Variants in TTLL5 observed in about 807,000 individuals in gnomAD.
The protein encoded by TTLL5 is tubulin tyrosine ligase like 5, also known as tubulin polyglutamylase TTLL5.
Under a neutral mutation model 168.4 loss-of-function variants are expected in TTLL5, and 132 were observed. The observed-to-expected ratio is 0.78, with a 90% confidence interval of 0.68 to 0.91. The LOEUF (loss-of-function observed/expected upper bound fraction) is 0.91, where lower values mean the gene tolerates loss of function less well. Ranked by LOEUF, TTLL5 falls within the 40% of genes least tolerant of loss-of-function variation. The pLI, the probability that TTLL5 is intolerant of heterozygous loss-of-function variation, is 0.00. For synonymous variants in TTLL5, 546 were observed against 558.6 expected (o/e 0.98, Z 0.32); for missense variants, 1,545 against 1,581.5 (o/e 0.98, Z 0.39).
In TTLL5 at chr14:75,745,487, T is replaced by G; in HGVS notation, c.1396-3T>G. The G allele has an allele frequency of 6.2e-7, 1 of 1,614,006 alleles. No individual in the cohort carries two copies. Among genetic ancestry groups the G allele is most frequent in the Non-Finnish European group, 8.5e-7 (1 of 1,179,912 alleles). On this transcript the variant is annotated splice_polypyrimidine_tract_variant and splice_region_variant and intron_variant, in intron 16 of 31. Coordinates refer to ENST00000298832, the MANE Select transcript of TTLL5 (RefSeq NM_015072.5). ...TACTCATTTTATCTTATTTTTCATCTAGATCAAAGTTTTACGAAGGGTGAA... is the reference window on the plus strand; with the variant it reads ...TACTCATTTTATCTTATTTTTCATCGAGATCAAAGTTTTACGAAGGGTGAA...
At chr14:75,948,046 A>G (rs187093950) in intron 31 of TTLL5, among the ~76,000 whole-genome samples, 16 of 152,296 alleles carry the variant, frequency 1.1e-4, no homozygotes, top group African/African-American at 2.9e-4. Context: ...ATTCTTTGCA[A>G]TCTTCTATGG....
intron 31 of TTLL5, among the ~76,000 whole-genome samples, chr14:75,910,136 T>C (rs2033312792): frequency 1.3e-5 from 2 of 152,196 alleles, no homozygotes; most frequent in African/African-American, 4.8e-5. Context: ...AAAATTGATA[T>C]TTTTTTCTTG....
chr14:75,672,821 T>A (rs1214518148), intron 3 of TTLL5, among the ~76,000 whole-genome samples: 2 of 152,246 alleles, frequency 1.3e-5, no homozygotes, highest in African/African-American at 4.8e-5. Flanking sequence ...TTACAATCCT[T>A]TTCATTTCTG....
At chr14:75,901,727 C>T (rs1191298797) in intron 30 of TTLL5, among the ~76,000 whole-genome samples, 1 of 152,198 alleles carries the variant, frequency 6.6e-6, no homozygotes, top group Non-Finnish European at 1.5e-5. Flanking sequence ...GAAAACCACT[C>T]TTCCACATGA....
chr14:75,770,213 A>G lies in TTLL5; in HGVS notation c.2016-1521A>G, dbSNP rs559448351. 2.7e-5 allele frequency among the ~76,000 whole-genome samples: 4 copies of G among 148,108 alleles called. No homozygotes were observed. The South Asian group carries it at 8.5e-4, about 32-fold the overall frequency. On this transcript the variant is annotated intron_variant, in intron 20 of 31. Transcript: ENST00000298832. ...AAAAAAAAAAAGAAAATATAAGTGT[A>G]TTATTTCAAAACCATATTATGCTCC...
intron 28 of TTLL5, among the ~76,000 whole-genome samples, chr14:75,841,447 A>C (rs564841277): frequency 6.6e-6 from 1 of 152,166 alleles, no homozygotes. Context: ...CATTACCATG[A>C]CTGTGACTGG....
At chr14:75,899,299 A>G (rs1420385054) in intron 30 of TTLL5, among the ~76,000 whole-genome samples, 1 of 152,222 alleles carries the variant, frequency 6.6e-6, no homozygotes, top group African/African-American at 2.4e-5. Flanking sequence ...ATGTATTCCT[A>G]GGAAAGCAGC....
chr14:75,764,653 G>A lies in TTLL5; in HGVS notation c.1589G>A (p.Ser530Asn). The A allele has an allele frequency of 1.2e-6, 2 of 1,614,144 alleles. No individual in the cohort carries two copies. Among genetic ancestry groups the A allele is most frequent in the Non-Finnish European group, 1.7e-6 (2 of 1,179,994 alleles). ...ADGAPELKIE[S>N]LNSKAKLHAA... is the part of the protein sequence containing the mutation. The stretch of plus-strand genomic sequence containing the variant: ...GGAGCGCCAGAATTGAAGATAGAGA[G>A]TCTGAATTCAAAGGCCAAGCTGCAT... The change falls in exon 19 of 32, where the codon AGT (serine) becomes AAT (asparagine). Residue 530 changes from serine (S) to asparagine (N), a missense_variant. Transcript: ENST00000298832.
At chr14:75,775,372 T>C in intron 21 of TTLL5, 112 bp from the exon 22 acceptor site, 2 of 1,197,200 alleles carry the variant, frequency 1.7e-6, no homozygotes, top group Non-Finnish European at 2.3e-6. Flanking sequence ...TTTGTTGAAA[T>C]GTGTAATATA....
At chr14:75,945,477 G>A (rs973498693) in intron 31 of TTLL5, among the ~76,000 whole-genome samples, 6 of 151,574 alleles carry the variant, frequency 4.0e-5, no homozygotes, top group African/African-American at 1.2e-4. Flanking sequence ...GGATGATCTC[G>A]ATCTCTTGAC....
chr14:75,921,464 C>T (rs1341966876), intron 31 of TTLL5, among the ~76,000 whole-genome samples: 1 of 152,178 alleles, frequency 6.6e-6, no homozygotes, highest in Admixed American at 6.5e-5. Context: ...TTTCCCAGCA[C>T]CATTTATTAA....
chr14:75,736,097 A>T (rs1219138789), intron 15 of TTLL5, among the ~76,000 whole-genome samples: 2 of 152,096 alleles, frequency 1.3e-5, no homozygotes, highest in Non-Finnish European at 1.5e-5. Flanking sequence ...TACTTGTTCT[A>T]TATTACATTG....
chr14:75,679,429 T>C (rs1884430816), intron 3 of TTLL5, among the ~76,000 whole-genome samples: 2 of 152,162 alleles, frequency 1.3e-5, no homozygotes, highest in South Asian at 4.1e-4. Flanking sequence ...AATTCCTTGG[T>C]TTTAGCCTGG....
intron 31 of TTLL5, among the ~76,000 whole-genome samples, chr14:75,917,360 A>G (rs1214545377): frequency 6.6e-6 from 1 of 152,238 alleles, no homozygotes; most frequent in Non-Finnish European, 1.5e-5. Context: ...TTCACACCCA[A>G]GCAGTTTTTT....
chr14:75,754,379 T>G (rs1403625199), intron 18 of TTLL5, among the ~76,000 whole-genome samples: 1 of 152,252 alleles, frequency 6.6e-6, no homozygotes, highest in African/African-American at 2.4e-5. Flanking sequence ...TATCTGCAAA[T>G]GTATGGTGAT....
At chr14:75,676,606 G>GT (rs1347319815) in intron 3 of TTLL5, among the ~76,000 whole-genome samples, 1 of 152,094 alleles carries the variant, frequency 6.6e-6, no homozygotes, top group East Asian at 1.9e-4. Context: ...CATGTTCAGT[G>GT]TATCTGAGTT....
At chr14:75,899,041 G>A (rs2032802339) in intron 30 of TTLL5, among the ~76,000 whole-genome samples, 1 of 152,210 alleles carries the variant, frequency 6.6e-6, no homozygotes, top group African/African-American at 2.4e-5. Context: ...TATAGTGAAT[G>A]CAGAGAGTGT....
At chr14:75,786,664 T>C (rs1480592344) in intron 26 of TTLL5, among the ~76,000 whole-genome samples, 1 of 152,200 alleles carries the variant, frequency 6.6e-6, no homozygotes, top group African/African-American at 2.4e-5. Flanking sequence ...TATTTAACTC[T>C]ATAGACTTTT....
intron 28 of TTLL5, among the ~76,000 whole-genome samples, chr14:75,844,542 G>C (rs1235561547): frequency 6.6e-6 from 1 of 152,190 alleles, no homozygotes. Flanking sequence ...CCTTTATTCT[G>C]TATGTCCTTA....
Sources: gnomAD v4.1 joint callset for allele counts (sites outside exome capture counted in the v4.1 genomes callset) on GRCh38, gnomAD v4.1.1 for gene constraint, MANE v1.5 for transcripts, NCBI Gene and HGNC (gene_info 2026-07-23, HGNC 2026-07-21) for gene names.